FSD1: variants seen among roughly 807,000 people sequenced by gnomAD.
The protein encoded by FSD1 is fibronectin type III and SPRY domain containing 1, also known as fibronectin type III and SPRY domain-containing protein 1.
In FSD1, 23 loss-of-function variants were observed where a neutral mutation model predicts 58.2. That is an observed-to-expected ratio of 0.40 (90% CI 0.28 to 0.56). FSD1 has a LOEUF of 0.56. Ranked by LOEUF, FSD1 falls within the 20% of genes least tolerant of loss-of-function variation. The pLI is 0.54. For synonymous variants in FSD1, 265 were observed against 263.4 expected, an observed-to-expected ratio of 1.01 and a Z score of -0.06; for missense variants, 563 against 670.8, an observed-to-expected ratio of 0.84 and a Z score of 1.78.
chr19:4,317,657 G>A (rs536058851), intron 8 of FSD1, among the ~76,000 whole-genome samples: 1 of 152,188 alleles, frequency 6.6e-6, no homozygotes, highest in Non-Finnish European at 1.5e-5. Flanking sequence ...ACTCCCTTGT[G>A]CTGTAGCCCA....
In FSD1 at chr19:4,307,953, G is replaced by T. The variant is rs1971640987; in HGVS notation, c.315G>T (p.Leu105=). The change falls in exon 4 of 13, where the codon CTG becomes CTT. Residue 105 remains leucine (L), a synonymous_variant. Transcript: ENST00000221856. The stretch of plus-strand genomic sequence containing the variant: ...TTCTGGAGACAGCCAACCAGACTCT[G>T]CAGGCCATGGACAGCGAGGACTTTC... ...EELLETANQT[L]QAMDSEDFPQ... is the part of the protein sequence containing the mutation. 6.2e-7 allele frequency: 1 copy of T among 1,613,914 alleles called. No homozygotes were observed. Among genetic ancestry groups the T allele is most frequent in the Non-Finnish European group, 8.5e-7 (1 of 1,179,918 alleles).
Position 4,310,480 on chromosome 19 carries a change from C to A in FSD1, c.374C>A (p.Thr125Asn). 6.2e-7 allele frequency: 1 copy of A among 1,612,320 alleles called. No homozygotes were observed. Among genetic ancestry groups the A allele is most frequent in the Non-Finnish European group, 8.5e-7 (1 of 1,178,720 alleles). ...QAAKQIKDGV[T>N]MAPAFRLSLK... ...CTGCCACCTCCTTCCTGCAGAGTGA[C>A]CATGGCCCCTGCCTTCCGGCTATCA... is the stretch of plus-strand genomic sequence containing the variant. The change falls in exon 6 of 13, where the codon ACC becomes AAC. Residue 125 changes from threonine (T) to asparagine (N), a missense_variant. Physicochemically the swap from Thr to Asn is moderately conservative, Grantham distance 65. Coordinates refer to ENST00000221856, the MANE Select transcript of FSD1 (RefSeq NM_024333.3).
intron 10 of FSD1, among the ~76,000 whole-genome samples, chr19:4,319,647 A>C (rs1467141527): frequency 4.6e-5 from 7 of 152,040 alleles, no homozygotes; most frequent in Non-Finnish European, 5.9e-5. Context: ...TGGGGATCTA[A>C]ATTTTCCTGG....
chr19:4,307,752 C>T, intron 3 of FSD1, 130 bp from the exon 4 acceptor site: 1 of 635,958 alleles, frequency 1.6e-6, no homozygotes, highest in Admixed American at 3.1e-5. Flanking sequence ...GCTCAAGGCT[C>T]CAATCTCCAT....
chr19:4,317,993 G>A (rs941734598), intron 8 of FSD1, among the ~76,000 whole-genome samples: 1 of 152,094 alleles, frequency 6.6e-6, no homozygotes, highest in African/African-American at 2.4e-5. Context: ...CTCCAGCCTG[G>A]GCGACAGAGC....
At chr19:4,309,141 A>T (rs545444370) in intron 4 of FSD1, among the ~76,000 whole-genome samples, 82 of 152,122 alleles carry the variant, frequency 5.4e-4, no homozygotes, top group African/African-American at 1.9e-3. Context: ...CCAGCTACTC[A>T]AGAGGCTGAA....
intron 8 of FSD1, 42 bp downstream of exon 8, chr19:4,317,322 C>A: frequency 8.6e-7 from 1 of 1,165,022 alleles, no homozygotes; most frequent in Non-Finnish European, 1.3e-6. Flanking sequence ...ACTCCATGGC[C>A]CCTTCCTCCC....
rs773932241 is a variant in FSD1, at chr19:4,307,869, C to G, written c.244-13C>G. 6.2e-7 allele frequency: 1 copy of G among 1,608,282 alleles called. No individual in the cohort carries two copies. Among genetic ancestry groups the G allele is most frequent in the Non-Finnish European group, 8.5e-7 (1 of 1,176,694 alleles). On this transcript the variant is annotated splice_polypyrimidine_tract_variant and intron_variant, in intron 3 of 12. Transcript: ENST00000221856. Reference sequence around the variant, plus strand: ...GGTGAGTTGTCCCCTCCTTTGGTGCCTGGTATCCACAGAACCAGCTGGCTG... The same window carrying G: ...GGTGAGTTGTCCCCTCCTTTGGTGCGTGGTATCCACAGAACCAGCTGGCTG...
intron 7 of FSD1, among the ~76,000 whole-genome samples, chr19:4,313,871 C>T (rs143840058): frequency 3.8e-4 from 57 of 151,620 alleles, no homozygotes; most frequent in Non-Finnish European, 6.2e-4. Flanking sequence ...ACTAAAAATG[C>T]AAAAAAATTA....
chr19:4,306,388 G>T, intron 3 of FSD1, 59 bp downstream of exon 3: 1 of 1,587,468 alleles, frequency 6.3e-7, no homozygotes, highest in Non-Finnish European at 8.6e-7. Flanking sequence ...GAACGTAGCT[G>T]ACCTCGGCAC....
chr19:4,321,529 A>C (rs1971818376), intron 10 of FSD1, among the ~76,000 whole-genome samples: 1 of 151,798 alleles, frequency 6.6e-6, no homozygotes, highest in African/African-American at 2.4e-5. Context: ...TGGGGGGAAT[A>C]GCTGGGACTG....
intron 8 of FSD1, 70 bp from the exon 9 acceptor site, chr19:4,318,268 ACTCTCTGT>A (rs1268377732): frequency 8.8e-6 from 14 of 1,586,338 alleles, no homozygotes; most frequent in East Asian, 2.2e-5. Flanking sequence ...TGTCTTGGTC[ACTCTCTGT>A]CTCTCTGTCT....
At chr19:4,309,728 T>A (rs879664129) in intron 4 of FSD1, among the ~76,000 whole-genome samples, 12 of 148,346 alleles carry the variant, frequency 8.1e-5, no homozygotes, top group Admixed American at 8.1e-4. Context: ...GCTAATACAG[T>A]GAAACCCTAT....
In FSD1 at chr19:4,323,364, C is replaced by T. The variant is rs1194731623; in HGVS notation, c.1308C>T (p.Tyr436=). ...CDFHQGLLSF[Y]NARTKQVLHT... ...CGACCCCAGGCCTCCTGTCCTTCTA[C>T]AATGCCCGCACCAAACAAGTGCTGC... The change falls in exon 12 of 13, where the codon TAC becomes TAT. Residue 436 remains tyrosine (Y), a synonymous_variant. Transcript: ENST00000221856. The surrounding 1 kb of genome is among the most constrained non-coding windows in gnomAD (Gnocchi z 7.7). The T allele has an allele frequency of 6.2e-7, 1 of 1,613,842 alleles. No homozygotes were observed. The highest frequency in any genetic ancestry group is 8.5e-7 in the Non-Finnish European group (1 of 1,179,850).
At chr19:4,321,221 G>GA (rs1408174344) in intron 10 of FSD1, among the ~76,000 whole-genome samples, 2 of 148,858 alleles carry the variant, frequency 1.3e-5, no homozygotes, top group African/African-American at 5.0e-5. Flanking sequence ...GGAGTATCTG[G>GA]GGGGAATAGC....
intron 6 of FSD1, 157 bp downstream of exon 6, chr19:4,310,753 G>A: frequency 1.2e-6 from 1 of 815,256 alleles, no homozygotes; most frequent in Non-Finnish European, 1.9e-6. Context: ...TGTGGGGGGT[G>A]GAGTTCTCAT....
chr19:4,317,000 G>A (rs981841962), intron 7 of FSD1, among the ~76,000 whole-genome samples, 182 bp from the exon 8 acceptor site: 2 of 152,044 alleles, frequency 1.3e-5, no homozygotes, highest in Non-Finnish European at 2.9e-5. Flanking sequence ...TGATCCATGC[G>A]CCTCGGCCTT....
chr19:4,323,357 C>T lies in FSD1; in HGVS notation c.1301C>T (p.Ser434Phe). The T allele has an allele frequency of 6.2e-7, 1 of 1,613,736 alleles. No homozygotes were observed. Among genetic ancestry groups the T allele is most frequent in the Non-Finnish European group, 8.5e-7 (1 of 1,179,790 alleles). ...TGCCCCCCGACCCCAGGCCTCCTGT[C>T]CTTCTACAATGCCCGCACCAAACAA... Reference protein sequence around the residue: ...VHCDFHQGLLSFYNARTKQVL... With the variant: ...VHCDFHQGLLFFYNARTKQVL... The change falls in exon 12 of 13, where the codon TCC becomes TTC. Residue 434 changes from serine (S) to phenylalanine (F), a missense_variant. Physicochemically the swap from Ser to Phe is radical, Grantham distance 155. Transcript: ENST00000221856. This position sits in a 1 kb window ranked among gnomAD's most constrained non-coding sequence, Gnocchi z 7.7.
intron 8 of FSD1, among the ~76,000 whole-genome samples, chr19:4,318,004 G>A (rs149400817): frequency 3.3e-3 from 506 of 152,208 alleles, no homozygotes; most frequent in African/African-American, 0.012. Flanking sequence ...GCGACAGAGC[G>A]AGACTCCATC....
Sources: allele counts gnomAD v4.1 joint callset (sites outside exome capture counted in the v4.1 genomes callset), GRCh38; gene constraint gnomAD v4.1.1; non-coding constraint Gnocchi (gnomAD v3.1); transcripts MANE v1.5; gene names NCBI Gene and HGNC (gene_info 2026-07-23, HGNC 2026-07-21).